The following NUFIP1 variants were observed in gnomAD, a reference collection of about 807,000 sequenced individuals.
The protein encoded by NUFIP1 is FMR1-interacting protein NUFIP1.
NUFIP1 carries 38 observed loss-of-function variants against 56.2 expected under a neutral mutation model. That is an observed-to-expected ratio of 0.68 (90% CI 0.52 to 0.89). NUFIP1 has a LOEUF of 0.89. NUFIP1 is among the 40% of genes least tolerant of loss of function. The pLI is 0.00. For missense variants in NUFIP1, 567 were observed against 605.8 expected (o/e 0.94, Z 0.67); for synonymous variants, 215 against 212.4 (o/e 1.01, Z -0.10).
At chr13:44,961,457 C>T (rs1871421369) in intron 6 of NUFIP1, among the ~76,000 whole-genome samples, 1 of 152,120 alleles carries the variant, frequency 6.6e-6, no homozygotes, top group Non-Finnish European at 1.5e-5. Context: ...ACATTAAGCC[C>T]TTAATAAATG....
chr13:44,940,811 CA>C lies in NUFIP1; in HGVS notation c.*394del, dbSNP rs1448056195. ...ACATCTTCCTTTTCTGCATTAAAAA[CA>C]AAATGGCTGTATTTCTCTGCCCAAC... On this transcript the variant is annotated 3_prime_UTR_variant, in exon 10 of 10. Transcript: ENST00000379161. 1 of 154,026 alleles carries C rather than the reference CA, an allele frequency of 6.5e-6. No homozygotes were observed. The highest frequency in any genetic ancestry group is 1.4e-5 in the Non-Finnish European group (1 of 69,352). The allele number at this position is 154,026 out of a possible 1,614,324, so 9.5% of individuals were successfully genotyped here.
intron 6 of NUFIP1, among the ~76,000 whole-genome samples, chr13:44,964,544 G>A (rs1293802780): frequency 6.6e-6 from 1 of 152,170 alleles, no homozygotes; most frequent in African/African-American, 2.4e-5. Context: ...CCTGAATTGA[G>A]GAACTGGAGT....
intron 7 of NUFIP1, 131 bp from the exon 8 acceptor site, chr13:44,949,969 C>T: frequency 1.5e-6 from 1 of 687,742 alleles, no homozygotes; most frequent in South Asian, 1.6e-5. Context: ...AAGACTAATT[C>T]TAGGGGGCCA....
At chr13:44,983,520 G>A (rs960754983) in intron 1 of NUFIP1, among the ~76,000 whole-genome samples, 1 of 152,108 alleles carries the variant, frequency 6.6e-6, no homozygotes, top group African/African-American at 2.4e-5. Context: ...GGGAGGGGCT[G>A]GCATGATGGC....
Position 44,956,814 on chromosome 13 carries a change from C to G in NUFIP1, c.1021+2567G>C, listed in dbSNP as rs181603484. Among the ~76,000 whole-genome samples, 31 of 152,246 alleles carry G rather than the reference C, an allele frequency of 2.0e-4. No individual in the cohort carries two copies. The East Asian group carries it at 3.7e-3, about 18-fold the overall frequency. ...CCCCGCCTCCCCATCCCCGCTCCCC[C>G]CTGGGGTTCCTAACAGGCTAAGGAA... On this transcript the variant is annotated intron_variant, in intron 7 of 9. Transcript: ENST00000379161.
At chr13:44,987,124 C>T (rs1173348871) in intron 1 of NUFIP1, among the ~76,000 whole-genome samples, 2 of 152,190 alleles carry the variant, frequency 1.3e-5, no homozygotes, top group African/African-American at 4.8e-5. Flanking sequence ...CGCTTGTAAT[C>T]TCAGCACTTT....
At chr13:44,946,416 A>G (rs1566055556) in intron 8 of NUFIP1, among the ~76,000 whole-genome samples, 1 of 152,188 alleles carries the variant, frequency 6.6e-6, no homozygotes, top group Non-Finnish European at 1.5e-5. Context: ...GTTTGAGGAA[A>G]CATAATTTTG....
intron 6 of NUFIP1, among the ~76,000 whole-genome samples, chr13:44,964,498 C>T (rs537069087): frequency 1.9e-3 from 285 of 152,200 alleles, no homozygotes; most frequent in African/African-American, 6.6e-3. Context: ...TTCCAGACTG[C>T]GGAGAAGAGG....
chr13:44,963,901 A>T (rs1871507822), intron 6 of NUFIP1, among the ~76,000 whole-genome samples: 2 of 152,184 alleles, frequency 1.3e-5, no homozygotes, highest in Non-Finnish European at 2.9e-5. Context: ...CTCTTTTAAC[A>T]TTACAAAATA....
At position 44,979,818 on chromosome 13, in the gene NUFIP1, A is replaced by T. The variant is rs150013666; in HGVS notation, c.657+72T>A. On this transcript the variant is annotated intron_variant, in intron 4 of 9. Coordinates refer to ENST00000379161, the MANE Select transcript of NUFIP1 (RefSeq NM_012345.3). Reference sequence around the variant, plus strand: ...GTTACCTATTATTAGGTATATAAATAAACAGTTGTGAAGATAACAGATCAA... The same window carrying T: ...GTTACCTATTATTAGGTATATAAATTAACAGTTGTGAAGATAACAGATCAA... The T allele has an allele frequency of 2.7e-6, 3 of 1,097,546 alleles. No individual in the cohort carries two copies. In the East Asian group the frequency reaches 7.2e-5, roughly 26 times the overall value. The allele number at this position is 1,097,546 out of a possible 1,614,324, so 68.0% of individuals were successfully genotyped here. A position where few individuals can be genotyped will look rare whatever the true frequency, so the allele number is the denominator to read the frequency against.
chr13:44,949,264 G>C (rs1471630655), intron 8 of NUFIP1, among the ~76,000 whole-genome samples: 15 of 144,542 alleles, frequency 1.0e-4, no homozygotes, highest in Admixed American at 2.1e-4. Context: ...TGCAGTGGCG[G>C]GATCTCGGCT....
intron 7 of NUFIP1, among the ~76,000 whole-genome samples, chr13:44,956,584 T>C (rs191821676): frequency 3.9e-5 from 6 of 152,300 alleles, no homozygotes; most frequent in Admixed American, 1.3e-4. Context: ...CTTGGGATGA[T>C]GGGAGACAGT....
rs770875368 is a variant in NUFIP1 at position 44,979,899 on chromosome 13, A to G, written c.648T>C (p.His216=). ...FTAHEKIVQF[H]WRNMHAPGMK... is the part of the protein sequence containing the mutation. ...AAAAAACAGAACTTACATTTCTCCA[A>G]TGGAACTGGACAATCTTCTCGTGTG... is the stretch of plus-strand genomic sequence containing the variant. Residue 216 remains histidine (H), a synonymous_variant, in exon 4 of 10, where the codon CAT becomes CAC. Transcript: ENST00000379161. 11 of 1,598,238 alleles carry G rather than the reference A, an allele frequency of 6.9e-6. No homozygotes were observed. The highest frequency in any genetic ancestry group is 4.5e-5 in the East Asian group (2 of 44,706).
intron 7 of NUFIP1, among the ~76,000 whole-genome samples, chr13:44,953,224 A>C (rs1871133256): frequency 2.0e-5 from 3 of 152,196 alleles, no homozygotes; most frequent in Non-Finnish European, 4.4e-5. Context: ...AAGGAATATC[A>C]AAGAATTTTC....
At chr13:44,950,748 A>AG (rs1334249680) in intron 7 of NUFIP1, among the ~76,000 whole-genome samples, 1 of 152,212 alleles carries the variant, frequency 6.6e-6, no homozygotes, top group Non-Finnish European at 1.5e-5. Context: ...CCAAATATAA[A>AG]GTGTTTGATC....
chr13:44,981,921 T>TCATGTTTAACTTTAAACATAAAA, intron 2 of NUFIP1, 151 bp downstream of exon 2: 1 of 379,576 alleles, frequency 2.6e-6, no homozygotes, highest in Non-Finnish European at 4.8e-6. Flanking sequence ...TTTGCTATAT[T>TCATGTTTAACTTTAAACATAAAA]CATGTTTAAC....
At chr13:44,974,312 A>C (rs906848291) in intron 5 of NUFIP1, among the ~76,000 whole-genome samples, 1 of 152,206 alleles carries the variant, frequency 6.6e-6, no homozygotes, top group Non-Finnish European at 1.5e-5. Flanking sequence ...TGGAAGAAGG[A>C]AGCTGAGATA....
At position 44,982,932 on chromosome 13, in the gene NUFIP1, C is replaced by G. The variant is rs189039276; in HGVS notation, c.413-778G>C. Among the ~76,000 whole-genome samples the G allele has an allele frequency of 6.2e-4, 95 of 152,280 alleles. 2 individuals are homozygous for G. The highest frequency in any genetic ancestry group is 2.1e-3 in the African/African-American group (89 of 41,558). The stretch of plus-strand genomic sequence containing the variant: ...CTGAGGTGGGAGGATCACTTGAGTT[C>G]AGGAGTTTGAGGCTGCAGTAAGCTA... On this transcript the variant is annotated intron_variant, in intron 1 of 9. Coordinates refer to ENST00000379161, the MANE Select transcript of NUFIP1 (RefSeq NM_012345.3).
At chr13:44,954,299 G>A (rs1414927037) in intron 7 of NUFIP1, among the ~76,000 whole-genome samples, 1 of 152,138 alleles carries the variant, frequency 6.6e-6, no homozygotes, top group Non-Finnish European at 1.5e-5. Flanking sequence ...ACTTTTCTTA[G>A]GGTAAATCTC....
Sources: allele counts gnomAD v4.1 joint callset (sites outside exome capture counted in the v4.1 genomes callset), GRCh38; gene constraint gnomAD v4.1.1; transcripts MANE v1.5; gene names NCBI Gene and HGNC (gene_info 2026-07-23, HGNC 2026-07-21).